NSD2: variants seen among roughly 807,000 people sequenced by gnomAD.
NSD2 encodes nuclear receptor binding SET domain protein 2.
In NSD2, 12 loss-of-function variants were observed where a neutral mutation model predicts 139.0. The ratio of observed to expected loss-of-function variants is 0.09; its 90% CI spans 0.06 to 0.14. The LOEUF (loss-of-function observed/expected upper bound fraction) is 0.14. Among genes scored for constraint, NSD2 ranks in the 10% least tolerant of loss-of-function variants. The pLI is 1.00. For missense variants in NSD2, 1,155 were observed against 1,745.0 expected, an observed-to-expected ratio of 0.66 and a Z score of 6.02; for synonymous variants, 669 against 648.7, an observed-to-expected ratio of 1.03 and a Z score of -0.48.
intron 1 of NSD2, among the ~76,000 whole-genome samples, chr4:1,874,583 CT>C (rs1433139257): frequency 6.6e-6 from 1 of 152,114 alleles, no homozygotes; most frequent in Non-Finnish European, 1.5e-5. Context: ...GTTTGCCTCT[CT>C]GTTTTGTAAG....
At position 1,976,798 on chromosome 4, in the gene NSD2, C is replaced by T. The variant is rs1727129697; in HGVS notation, c.3826+119C>T. On this transcript the variant is annotated intron_variant, in intron 21 of 21. Coordinates refer to ENST00000508803, the MANE Select transcript of NSD2 (RefSeq NM_001042424.3). The surrounding 1 kb of genome is among the most constrained non-coding windows in gnomAD (Gnocchi z 5.3). ...TCTGGGTGCAGGCACATCAGGCGCT[C>T]ATGCAGCGAAGGCCCTGATCCAGGG... The T allele has an allele frequency of 9.2e-7, 1 of 1,090,898 alleles. No individual in the cohort carries two copies. The highest frequency in any genetic ancestry group is 1.6e-5 in the African/African-American group (1 of 63,086). The allele number at this position is 1,090,898 out of a possible 1,614,324, so 67.6% of individuals were successfully genotyped here. A position where few individuals can be genotyped will look rare whatever the true frequency, so the allele number is the denominator to read the frequency against.
At position 1,979,395 on chromosome 4, in the gene NSD2, T is replaced by C; in HGVS notation, c.*486T>C. 4.3e-6 allele frequency: 1 copy of C among 235,270 alleles called. No homozygotes were observed. Among genetic ancestry groups the C allele is most frequent in the Non-Finnish European group, 8.4e-6 (1 of 119,508 alleles). 14.6% of individuals were successfully genotyped at this position (235,270 alleles called of 1,614,324 possible). A position where few individuals can be genotyped will look rare whatever the true frequency, so the allele number is the denominator to read the frequency against. On this transcript the variant is annotated 3_prime_UTR_variant, in exon 22 of 22. Coordinates refer to ENST00000508803, the MANE Select transcript of NSD2 (RefSeq NM_001042424.3). ...GGACTGACCCTGGATTCCTCGAAAC[T>C]GCCATTGTGATCATTACTCTGCTCT...
chr4:1,895,008 A>T (rs1460763200), intron 1 of NSD2, among the ~76,000 whole-genome samples: 2 of 151,956 alleles, frequency 1.3e-5, no homozygotes, highest in Admixed American at 6.6e-5. Context: ...TATTCTGGGG[A>T]CCTCATGTAC....
chr4:1,885,779 G>GC (rs1291909477), intron 1 of NSD2, among the ~76,000 whole-genome samples: 2 of 152,170 alleles, frequency 1.3e-5, no homozygotes, highest in African/African-American at 4.8e-5. Flanking sequence ...CTGCAGAGCT[G>GC]CCCTGAGTAC....
Position 1,942,149 on chromosome 4 carries a change from A to G in NSD2, c.1881+2371A>G. The G allele has an allele frequency of 5.4e-6, 7 of 1,302,300 alleles. No homozygotes were observed. Among genetic ancestry groups the G allele is most frequent in the Middle Eastern group, 3.0e-4 (1 of 3,378 alleles). The allele number at this position is 1,302,300 out of a possible 1,614,324, so 80.7% of individuals were successfully genotyped here. A position where few individuals can be genotyped will look rare whatever the true frequency, so the allele number is the denominator to read the frequency against. ...TCTTCTTGAAAAAGGTATATGTGAT[A>G]AATAAAAATTTTTATTGGAATAATT... is the stretch of plus-strand genomic sequence containing the variant. On this transcript the variant is annotated intron_variant, in intron 9 of 21. Transcript: ENST00000508803. The surrounding 1 kb of genome is among the most constrained non-coding windows in gnomAD (Gnocchi z 4.0).
At chr4:1,932,807 G>A (rs1031767073) in intron 6 of NSD2, among the ~76,000 whole-genome samples, 13 of 152,274 alleles carry the variant, frequency 8.5e-5, no homozygotes, top group African/African-American at 2.9e-4. Flanking sequence ...TGTAAGAAGC[G>A]GCTGCTGCCT....
chr4:1,918,564 A>T lies in NSD2; in HGVS notation c.1351A>T (p.Ser451Cys). 1.9e-6 allele frequency: 3 copies of T among 1,613,990 alleles called. No homozygotes were observed. Among genetic ancestry groups the T allele is most frequent in the Non-Finnish European group, 2.5e-6 (3 of 1,179,986 alleles). The change falls in exon 5 of 22, where the codon AGC becomes TGC. Residue 451 changes from serine to cysteine, a missense_variant. Physicochemically the swap from Ser to Cys is moderately radical, Grantham distance 112 (BLOSUM62 -1). Coordinates refer to ENST00000508803, the MANE Select transcript of NSD2 (RefSeq NM_001042424.3). ...GAAGACCACAGTCTCCATGCCACGA[A>T]GCAGGAAGGGAGATGCAGCATCCCA... is the stretch of plus-strand genomic sequence containing the variant. ...RKKTTVSMPR[S>C]RKGDAASQFL...
At position 1,942,444 on chromosome 4, in the gene NSD2, T is replaced by C. The variant is rs1373597766; in HGVS notation, c.1881+2666T>C. On this transcript the variant is annotated intron_variant, in intron 9 of 21. Coordinates refer to ENST00000508803, the MANE Select transcript of NSD2 (RefSeq NM_001042424.3). The surrounding 1 kb of genome is among the most constrained non-coding windows in gnomAD (Gnocchi z 4.0). ...GGATGCTGCTGCAGGTGGCGTATCATCGTACACACTCAGTGACATTTCTAT... is the reference window on the plus strand; with the variant it reads ...GGATGCTGCTGCAGGTGGCGTATCACCGTACACACTCAGTGACATTTCTAT... The C allele has an allele frequency of 6.3e-7, 1 of 1,585,160 alleles. No homozygotes were observed. The highest frequency in any genetic ancestry group is 1.2e-5 in the South Asian group (1 of 85,586).
At chr4:1,947,207 C>G in intron 9 of NSD2, 1 of 1,064,584 alleles carries the variant, frequency 9.4e-7, no homozygotes, top group Non-Finnish European at 1.1e-6. Flanking sequence ...GCTCAGGACA[C>G]AGTGGGACAA....
chr4:1,882,835 C>A (rs1490812038), intron 1 of NSD2, among the ~76,000 whole-genome samples: 1 of 152,184 alleles, frequency 6.6e-6, no homozygotes, highest in African/African-American at 2.4e-5. Context: ...TGTCTCAGAC[C>A]TACTGCATCA....
chr4:1,928,086 T>C (rs570567378), intron 5 of NSD2, among the ~76,000 whole-genome samples: 29 of 151,526 alleles, frequency 1.9e-4, no homozygotes, highest in South Asian at 4.2e-4. Context: ...TTTTTTTTTT[T>C]CAAACACGAT....
At chr4:1,896,582 TC>T (rs1341328873) in intron 1 of NSD2, among the ~76,000 whole-genome samples, 8 of 152,102 alleles carry the variant, frequency 5.3e-5, no homozygotes, top group Non-Finnish European at 1.0e-4. Context: ...CCCAGGCTCA[TC>T]TCAAACTGCT....
intron 3 of NSD2, among the ~76,000 whole-genome samples, chr4:1,913,323 G>GA (rs1156957845): frequency 2.0e-5 from 3 of 152,186 alleles, no homozygotes; most frequent in Non-Finnish European, 4.4e-5. Context: ...TGCAAACCAG[G>GA]AAAGGGAGTC....
In NSD2 at chr4:1,904,451, C is replaced by G. The variant is rs879251950; in HGVS notation, c.760+73C>G. ...ATCTTTCTCATCTCCAGGCTTCTTTCTTACTCTTTCTAAATAGCCCTGCTA... is the reference window on the plus strand; with the variant it reads ...ATCTTTCTCATCTCCAGGCTTCTTTGTTACTCTTTCTAAATAGCCCTGCTA... On this transcript the variant is annotated intron_variant, in intron 3 of 21. Transcript: ENST00000508803. 9.5e-6 allele frequency: 14 copies of G among 1,481,214 alleles called. No individual in the cohort carries two copies. In the South Asian group the frequency reaches 1.7e-4, roughly 18 times the overall value. 91.8% of individuals were successfully genotyped at this position (1,481,214 alleles called of 1,614,324 possible).
chr4:1,940,897 T>A lies in NSD2; in HGVS notation c.1881+1119T>A, dbSNP rs915925596. On this transcript the variant is annotated intron_variant, in intron 9 of 21. Coordinates refer to ENST00000508803, the MANE Select transcript of NSD2 (RefSeq NM_001042424.3). ...GAGCTCTGCGGCTTGCCACTCTGAATCCTCAGCGACCACTCCTCCGAGTGG... is the reference window on the plus strand; with the variant it reads ...GAGCTCTGCGGCTTGCCACTCTGAAACCTCAGCGACCACTCCTCCGAGTGG... 5.7e-6 allele frequency: 6 copies of A among 1,057,076 alleles called. No homozygotes were observed. The African/African-American group carries it at 9.9e-5, about 17-fold the overall frequency. 65.5% of individuals were successfully genotyped at this position (1,057,076 alleles called of 1,614,324 possible).
Position 1,973,463 on chromosome 4 carries a change from C to T in NSD2, c.3373-1400C>T, listed in dbSNP as rs141016191. Among the ~76,000 whole-genome samples, 276 of 152,334 alleles carry T rather than the reference C, an allele frequency of 1.8e-3. No homozygotes were observed. The highest frequency in any genetic ancestry group is 6.3e-3 in the African/African-American group (260 of 41,576). On this transcript the variant is annotated intron_variant, in intron 18 of 21. Transcript: ENST00000508803. The surrounding 1 kb of genome is among the most constrained non-coding windows in gnomAD (Gnocchi z 5.5). ...TGCACATCAGCACCGCGGCTCAGCG[C>T]GTCATGACAAAGCATCTGCAGAGGG...
chr4:1,898,202 T>G lies in NSD2; in HGVS notation c.-29-2424T>G, dbSNP rs1375452998. Among the ~76,000 whole-genome samples the G allele has an allele frequency of 1.3e-4, 20 of 152,286 alleles. 1 individual carries two copies. Among genetic ancestry groups the G allele is most frequent in the Admixed American group, 1.3e-3 (20 of 15,298 alleles). On this transcript the variant is annotated intron_variant, in intron 1 of 21. Coordinates refer to ENST00000508803, the MANE Select transcript of NSD2 (RefSeq NM_001042424.3). ...CTTGGACTCAAGCGATCCTCCTGCCTCAGCCTCCTGAGTAGCAGGGACTAC... is the reference window on the plus strand; with the variant it reads ...CTTGGACTCAAGCGATCCTCCTGCCGCAGCCTCCTGAGTAGCAGGGACTAC...
rs1465951109 is a variant in NSD2 at position 1,973,745 on chromosome 4, G to A, written c.3373-1118G>A. ...GTGAATAGTGACTCCGAAGCCTGCCGCTTCCTGGGACCATGTTTATCCCAG... is the reference window on the plus strand; with the variant it reads ...GTGAATAGTGACTCCGAAGCCTGCCACTTCCTGGGACCATGTTTATCCCAG... On this transcript the variant is annotated intron_variant, in intron 18 of 21. Coordinates refer to ENST00000508803, the MANE Select transcript of NSD2 (RefSeq NM_001042424.3). This position sits in a 1 kb window ranked among gnomAD's most constrained non-coding sequence, Gnocchi z 5.5. Among the ~76,000 whole-genome samples the A allele has an allele frequency of 6.6e-6, 1 of 152,340 alleles. No individual in the cohort carries two copies. The highest frequency in any genetic ancestry group is 1.9e-4 in the East Asian group (1 of 5,182).
In NSD2 at chr4:1,895,608, C is replaced by G. The variant is rs182656865; in HGVS notation, c.-29-5018C>G. On this transcript the variant is annotated intron_variant, in intron 1 of 21. Transcript: ENST00000508803. ...AATTTCCTGTTCTCCTGTAGAAGAC[C>G]TTCCATACTGTCCCATGCCTGGCTC... 9.7e-3 allele frequency among the ~76,000 whole-genome samples: 1,476 copies of G among 152,118 alleles called. 24 individuals are homozygous for G. Among genetic ancestry groups the G allele is most frequent in the African/African-American group, 0.034 (1,392 of 41,480 alleles).
Sources: allele counts gnomAD v4.1 joint callset (sites outside exome capture counted in the v4.1 genomes callset), GRCh38; gene constraint gnomAD v4.1.1; non-coding constraint Gnocchi (gnomAD v3.1); transcripts MANE v1.5; gene names NCBI Gene and HGNC (gene_info 2026-07-23, HGNC 2026-07-21).